The following LTK variants were observed in gnomAD, a reference collection of about 807,000 sequenced individuals.
LTK encodes the protein leukocyte tyrosine kinase receptor.
In LTK, 117 loss-of-function variants were observed where a neutral mutation model predicts 101.5. That is an observed-to-expected ratio of 1.15 (90% CI 0.99 to 1.34). The LOEUF (loss-of-function observed/expected upper bound fraction) is 1.34, where lower values mean the gene tolerates loss of function less well. Among genes scored for constraint, LTK ranks in the 40% most tolerant of loss-of-function variants. The pLI is 0.00. For synonymous variants in LTK, 563 were observed against 494.2 expected, an observed-to-expected ratio of 1.14 and a Z score of -1.85; for missense variants, 1,252 against 1,164.7, an observed-to-expected ratio of 1.07 and a Z score of -1.09.
rs942535926 is a variant in LTK at position 41,511,627 on chromosome 15, G to C, written c.658-49C>G. On this transcript the variant is annotated intron_variant, in intron 5 of 19. Transcript: ENST00000263800. The surrounding 1 kb of genome is among the most constrained non-coding windows in gnomAD (Gnocchi z 5.9). Reference sequence around the variant, plus strand: ...AGGAAGCGCCCTCCAGCTGTCCAGGGGCACTGCCACTGGGAGAGGGCTCCC... The same window carrying C: ...AGGAAGCGCCCTCCAGCTGTCCAGGCGCACTGCCACTGGGAGAGGGCTCCC... 2 of 1,418,050 alleles carry C rather than the reference G, an allele frequency of 1.4e-6. No individual in the cohort carries two copies. The highest frequency in any genetic ancestry group is 3.0e-5 in the African/African-American group (2 of 66,438). The allele number at this position is 1,418,050 out of a possible 1,614,324, so 87.8% of individuals were successfully genotyped here. A position where few individuals can be genotyped will look rare whatever the true frequency, so the allele number is the denominator to read the frequency against.
At position 41,511,093 on chromosome 15, in the gene LTK, G is replaced by T; in HGVS notation, c.997+71C>A. On this transcript the variant is annotated intron_variant, in intron 7 of 19. Coordinates refer to ENST00000263800, the MANE Select transcript of LTK (RefSeq NM_002344.6). This position sits in a 1 kb window ranked among gnomAD's most constrained non-coding sequence, Gnocchi z 5.9. ...CACACCTATCCTCCCGAGGGCTCCG[G>T]CCTGTACTTAGGTTCTAACATCACC... 7.6e-7 allele frequency: 1 copy of T among 1,308,376 alleles called. No individual in the cohort carries two copies. The highest frequency in any genetic ancestry group is 9.7e-7 in the Non-Finnish European group (1 of 1,028,110). 81.0% of individuals were successfully genotyped at this position (1,308,376 alleles called of 1,614,324 possible). A position where few individuals can be genotyped will look rare whatever the true frequency, so the allele number is the denominator to read the frequency against.
intron 11 of LTK, among the ~76,000 whole-genome samples, chr15:41,506,327 C>T (rs918832000): frequency 7.9e-5 from 12 of 152,164 alleles, no homozygotes; most frequent in Middle Eastern, 3.2e-3. Flanking sequence ...CTTTTTTAAA[C>T]GAAGTCTCAC....
At chr15:41,509,598 C>G (rs912376937) in intron 7 of LTK, among the ~76,000 whole-genome samples, 1 of 152,108 alleles carries the variant, frequency 6.6e-6, no homozygotes, top group Non-Finnish European at 1.5e-5. Flanking sequence ...TGGTGGCTCA[C>G]GCCTGTAATC....
intron 3 of LTK, 48 bp from the exon 4 acceptor site, chr15:41,512,313 C>T: frequency 6.3e-7 from 1 of 1,578,128 alleles, no homozygotes; most frequent in Non-Finnish European, 8.6e-7. Flanking sequence ...CTCAGGCCGG[C>T]CGCTCCGGGC....
At chr15:41,505,379 G>GA (rs1566864224) in intron 14 of LTK, 22 bp downstream of exon 14, 2 of 1,613,612 alleles carry the variant, frequency 1.2e-6, no homozygotes, top group East Asian at 2.2e-5. Flanking sequence ...GGGGCCTGGG[G>GA]GGGCTAAGAC....
chr15:41,512,986 T>C lies in LTK; in HGVS notation c.178A>G (p.Asn60Asp). 1 of 1,613,594 alleles carries C rather than the reference T, an allele frequency of 6.2e-7. No individual in the cohort carries two copies. The highest frequency in any genetic ancestry group is 8.5e-7 in the Non-Finnish European group (1 of 1,179,882). ...PSILEPASPL[N>D]SPGTEGSWLF... Reference sequence around the variant, plus strand: ...GGCGTCTAAAGCTCACCCGGAGAATTCAGCGGGGAGGCTGGCTCCAAGATA... The same window carrying C: ...GGCGTCTAAAGCTCACCCGGAGAATCCAGCGGGGAGGCTGGCTCCAAGATA... The change falls in exon 2 of 20, where the codon AAT (asparagine) becomes GAT (aspartate). Residue 60 changes from asparagine (N) to aspartate (D), a missense_variant. Asn to Asp is a conservative substitution (Grantham distance 23). Coordinates refer to ENST00000263800, the MANE Select transcript of LTK (RefSeq NM_002344.6).
chr15:41,508,561 A>G (rs939035981), intron 8 of LTK, among the ~76,000 whole-genome samples: 14 of 109,252 alleles, frequency 1.3e-4, no homozygotes, highest in Non-Finnish European at 2.7e-4. Flanking sequence ...TGTCTCAAAA[A>G]TAAAAATAAA....
chr15:41,507,494 A>G, intron 10 of LTK, 68 bp downstream of exon 10: 4 of 1,582,830 alleles, frequency 2.5e-6, no homozygotes, highest in Non-Finnish European at 3.4e-6. Flanking sequence ...GGGACCCCGC[A>G]GAAACCCATC....
Position 41,507,194 on chromosome 15 carries a change from G to A in LTK, c.1442C>T (p.Pro481Leu), listed in dbSNP as rs1566867725. The change falls in exon 11 of 20, where the codon CCC becomes CTC. Residue 481 changes from proline to leucine, a missense_variant. Transcript: ENST00000263800. The stretch of plus-strand genomic sequence containing the variant: ...CCCCACCTGGCAATAATAGGGATTG[G>A]GGGCTGTCCTGATGGCAGAGGTTCG... Reference protein sequence around the residue: ...KLRTSAIRTAPNPYYCQVGLG... With the variant: ...KLRTSAIRTALNPYYCQVGLG... 6.2e-7 allele frequency: 1 copy of A among 1,613,866 alleles called. No homozygotes were observed.
At chr15:41,505,584 T>C in intron 13 of LTK, 54 bp from the exon 14 acceptor site, 1 of 1,611,564 alleles carries the variant, frequency 6.2e-7, no homozygotes, top group South Asian at 1.1e-5. Flanking sequence ...GAAACCATGT[T>C]TTAGGCTCCA....
rs1204653097 is a variant in LTK at position 41,511,683 on chromosome 15, CCCAGCCCAGCCCAGG to C, written c.657+119_658-106del. On this transcript the variant is annotated intron_variant, in intron 5 of 19. Transcript: ENST00000263800. This position sits in a 1 kb window ranked among gnomAD's most constrained non-coding sequence, Gnocchi z 5.9. The stretch of plus-strand genomic sequence containing the variant: ...GGGGGCCTGGATAAGGGCAGGGGCC[CCCAGCCCAGCCCAGG>C]CCAGCCCAGCCCAGCGCAGGGATAG... 8.5e-6 allele frequency: 12 copies of C among 1,408,072 alleles called. No homozygotes were observed. Among genetic ancestry groups the C allele is most frequent in the Admixed American group, 3.7e-5 (1 of 27,338 alleles). The allele number at this position is 1,408,072 out of a possible 1,614,324, so 87.2% of individuals were successfully genotyped here.
In LTK at chr15:41,504,562, C is replaced by G. The variant is rs773332942; in HGVS notation, c.2199G>C (p.Leu733=). 1 of 1,613,936 alleles carries G rather than the reference C, an allele frequency of 6.2e-7. No homozygotes were observed. Among genetic ancestry groups the G allele is most frequent in the East Asian group, 2.2e-5 (1 of 44,876 alleles). ...PYPGRTNQEV[L]DFVVGGGRMD... is the part of the protein sequence containing the mutation. ...TCCGGCCTCCTCCAACGACGAAGTC[C>G]AGCACCTCCTGGTTGGTGCGCCCAG... is the stretch of plus-strand genomic sequence containing the variant. Residue 733 remains leucine (L), a synonymous_variant, in exon 18 of 20, where the codon CTG becomes CTC. Coordinates refer to ENST00000263800, the MANE Select transcript of LTK (RefSeq NM_002344.6).
chr15:41,504,772 C>G lies in LTK; in HGVS notation c.2120+1G>C, dbSNP rs1372334170. The G allele has an allele frequency of 1.3e-6, 2 of 1,573,830 alleles. No homozygotes were observed. The highest frequency in any genetic ancestry group is 2.3e-5 in the South Asian group (2 of 88,664). On this transcript the variant is annotated splice_donor_variant, in intron 17 of 19. Transcript: ENST00000263800. LOFTEE classifies it high-confidence loss of function. ...GAAGGGGAGGGGAAGGGTGTTATCA[C>G]CAGGAATCTGTCTTGGATGTGAAGA...
chr15:41,504,030 G>A lies in LTK; in HGVS notation c.2561C>T (p.Pro854Leu). 2 of 1,611,994 alleles carry A rather than the reference G, an allele frequency of 1.2e-6. No homozygotes were observed. Among genetic ancestry groups the A allele is most frequent in the African/African-American group, 2.7e-5 (2 of 74,874 alleles). ...ATAAGTGGGATTCCAAAGGTTCTGA[G>A]GTTGGAGGCCCCTGGATTTGAGGGG... is the stretch of plus-strand genomic sequence containing the variant. ...LKPLKSRGLQ[P>L]QNLWNPTYRS The change falls in exon 20 of 20, where the codon CCT becomes CTT. Residue 854 changes from proline to leucine, a missense_variant. By Grantham distance (98) the Pro-to-Leu change is moderately conservative (BLOSUM62 -3). Coordinates refer to ENST00000263800, the MANE Select transcript of LTK (RefSeq NM_002344.6).
Position 41,503,885 on chromosome 15 carries a change from C to T in LTK, c.*111G>A. ...CCCCGAGACAGGCCCAGACACACAGCACAGACTGCAGGGAACAGAGGCCGC... is the reference window on the plus strand; with the variant it reads ...CCCCGAGACAGGCCCAGACACACAGTACAGACTGCAGGGAACAGAGGCCGC... On this transcript the variant is annotated 3_prime_UTR_variant, in exon 20 of 20. Coordinates refer to ENST00000263800, the MANE Select transcript of LTK (RefSeq NM_002344.6). 1 of 1,275,612 alleles carries T rather than the reference C, an allele frequency of 7.8e-7. No individual in the cohort carries two copies. The highest frequency in any genetic ancestry group is 1.1e-6 in the Non-Finnish European group (1 of 940,666). The allele number at this position is 1,275,612 out of a possible 1,614,324, so 79.0% of individuals were successfully genotyped here. A position where few individuals can be genotyped will look rare whatever the true frequency, so the allele number is the denominator to read the frequency against.
intron 17 of LTK, 42 bp downstream of exon 17, chr15:41,504,731 G>A (rs1185956054): frequency 1.2e-6 from 2 of 1,604,034 alleles, no homozygotes; most frequent in East Asian, 2.2e-5. Flanking sequence ...TAGCCTCAGG[G>A]GAGGGGAACA....
At chr15:41,507,464 G>C (rs141452827) in intron 10 of LTK, 98 bp downstream of exon 10, 1 of 1,557,310 alleles carries the variant, frequency 6.4e-7, no homozygotes. Context: ...GCTGCGGTGA[G>C]TGGTCTTGAA....
At chr15:41,507,526 GC>G in intron 10 of LTK, 35 bp downstream of exon 10, 2 of 1,607,020 alleles carry the variant, frequency 1.2e-6, no homozygotes, top group Non-Finnish European at 1.7e-6. Context: ...GAGAGGAGCA[GC>G]CTTGAATCAA....
intron 3 of LTK, 46 bp downstream of exon 3, chr15:41,512,661 T>G (rs1298096274): frequency 6.7e-6 from 10 of 1,493,190 alleles, no homozygotes; most frequent in Non-Finnish European, 8.0e-6. Flanking sequence ...GGGTGAAACC[T>G]CCAACTAGCA....
Sources: allele counts gnomAD v4.1 joint callset (sites outside exome capture counted in the v4.1 genomes callset), GRCh38; gene constraint gnomAD v4.1.1; non-coding constraint Gnocchi (gnomAD v3.1); transcripts MANE v1.5; gene names NCBI Gene and HGNC (gene_info 2026-07-23, HGNC 2026-07-21).